MSR1: variants seen among roughly 807,000 people sequenced by gnomAD.
MSR1 encodes the protein macrophage scavenger receptor types I and II.
Under a neutral mutation model 47.2 loss-of-function variants are expected in MSR1, and 53 were observed. That is an observed-to-expected ratio of 1.12 (90% CI 0.90 to 1.41). MSR1 has a LOEUF of 1.41. Among genes scored for constraint, MSR1 ranks in the 40% most tolerant of loss-of-function variants. The pLI, the probability that MSR1 is intolerant of heterozygous loss-of-function variation, is 0.00. For missense variants in MSR1, 786 were observed against 546.9 expected (o/e 1.44, Z -4.36); for synonymous variants, 239 against 185.6 (o/e 1.29, Z -2.34).
At chr8:16,150,779 T>G (rs1048262563) in intron 6 of MSR1, among the ~76,000 whole-genome samples, 5 of 151,990 alleles carry the variant, frequency 3.3e-5, no homozygotes, top group Non-Finnish European at 5.9e-5. Flanking sequence ...CTCTGAAATA[T>G]ATTACTTTAT....
At chr8:16,139,393 C>A in intron 8 of MSR1, 1 of 916,392 alleles carries the variant, frequency 1.1e-6, no homozygotes, top group Non-Finnish European at 1.3e-6. Flanking sequence ...TCACAACAAC[C>A]CTGTGAGGTA....
rs34662759 is a variant in MSR1, at chr8:16,171,228, C to CAA, written c.218-2360_218-2359dup. Among the ~76,000 whole-genome samples the CAA allele has an allele frequency of 6.6e-3, 493 of 75,210 alleles. 4 individuals carry two copies. Among genetic ancestry groups the CAA allele is most frequent in the African/African-American group, 0.015 (316 of 20,970 alleles). The allele number at this position is 75,210 out of a possible 152,430, so 49.3% of individuals were successfully genotyped here. A position where few individuals can be genotyped will look rare whatever the true frequency, so the allele number is the denominator to read the frequency against. On this transcript the variant is annotated intron_variant, in intron 3 of 9. Transcript: ENST00000262101. The stretch of plus-strand genomic sequence containing the variant: ...TGGCTGACAGAGCAAGACTCAGTCT[C>CAA]AAAAAAAAAAAAAAAAAAAAAAGAA...
chr8:16,110,627 T>C (rs560635071), intron 9 of MSR1, among the ~76,000 whole-genome samples: 25 of 152,134 alleles, frequency 1.6e-4, no homozygotes, highest in Non-Finnish European at 3.4e-4. Context: ...TTGGGGTATA[T>C]TTGCACATAA....
rs1040879739 is a variant in MSR1, at chr8:16,111,096, G to A, written c.1223-878C>T. Among the ~76,000 whole-genome samples the A allele has an allele frequency of 1.8e-4, 28 of 152,054 alleles. 1 individual carries two copies. Among genetic ancestry groups the A allele is most frequent in the African/African-American group, 6.5e-4 (27 of 41,418 alleles). On this transcript the variant is annotated intron_variant, in intron 9 of 9. Coordinates refer to ENST00000262101, the MANE Select transcript of MSR1 (RefSeq NM_138715.3). ...CATGTTTCCTATTGTGTTTGTGATTGTATGTGTGAGCATGTTTGTATGTGT... is the reference window on the plus strand; with the variant it reads ...CATGTTTCCTATTGTGTTTGTGATTATATGTGTGAGCATGTTTGTATGTGT...
intron 7 of MSR1, among the ~76,000 whole-genome samples, chr8:16,145,862 T>C (rs556923863): frequency 6.6e-6 from 1 of 152,258 alleles, no homozygotes; most frequent in South Asian, 2.1e-4. Flanking sequence ...ATGATACCTT[T>C]GGTTAAAAAT....
At chr8:16,111,969 T>C (rs1339462649) in intron 9 of MSR1, among the ~76,000 whole-genome samples, 3 of 152,032 alleles carry the variant, frequency 2.0e-5, no homozygotes, top group African/African-American at 7.3e-5. Context: ...AAATCTCCTT[T>C]GGTGCCTACA....
At chr8:16,191,246 C>T (rs1306698492) in intron 1 of MSR1, among the ~76,000 whole-genome samples, 1 of 152,082 alleles carries the variant, frequency 6.6e-6, no homozygotes, top group South Asian at 2.1e-4. Context: ...TATATTGTGC[C>T]TGATGTCACT....
At chr8:16,110,310 AC>A in intron 9 of MSR1, 92 bp from the exon 10 acceptor site, 2 of 1,410,798 alleles carry the variant, frequency 1.4e-6, no homozygotes, top group Non-Finnish European at 2.0e-6. Flanking sequence ...CACTAATTAA[AC>A]AAAAAAGTGT....
At chr8:16,172,915 T>G (rs528547013) in intron 3 of MSR1, among the ~76,000 whole-genome samples, 1 of 152,210 alleles carries the variant, frequency 6.6e-6, no homozygotes. Flanking sequence ...ATATATTCTG[T>G]CTACATTTGT....
intron 8 of MSR1, 168 bp from the exon 9 acceptor site, chr8:16,120,774 G>T: frequency 1.2e-6 from 1 of 865,144 alleles, no homozygotes; most frequent in Non-Finnish European, 1.7e-6. Context: ...CCACCTATTG[G>T]TAAAGAGTTT....
chr8:16,140,202 TA>T lies in MSR1; in HGVS notation c.1033+3355del, dbSNP rs1285326424. 3 of 984,756 alleles carry T rather than the reference TA, an allele frequency of 3.0e-6. No homozygotes were observed. In the African/African-American group the frequency reaches 5.3e-5, roughly 17 times the overall value. 61.0% of individuals were successfully genotyped at this position (984,756 alleles called of 1,614,324 possible). A position where few individuals can be genotyped will look rare whatever the true frequency, so the allele number is the denominator to read the frequency against. The stretch of plus-strand genomic sequence containing the variant: ...TCATGACAGTTCTCCTAGAACCCAA[TA>T]AATTAAATTGTGTTCTAGACTCTAG... On this transcript the variant is annotated intron_variant, in intron 8 of 9. Transcript: ENST00000262101.
intron 5 of MSR1, among the ~76,000 whole-genome samples, chr8:16,155,627 C>A (rs1398060622): frequency 6.6e-6 from 1 of 151,880 alleles, no homozygotes; most frequent in Non-Finnish European, 1.5e-5. Flanking sequence ...TTGGAACTGA[C>A]CATAAACTCA....
intron 8 of MSR1, among the ~76,000 whole-genome samples, chr8:16,125,360 G>T (rs1357393802): frequency 6.6e-6 from 1 of 152,146 alleles, no homozygotes; most frequent in Non-Finnish European, 1.5e-5. Context: ...AATTTACAAA[G>T]AGACTTAGCA....
At chr8:16,169,845 C>G (rs1005541535) in intron 3 of MSR1, among the ~76,000 whole-genome samples, 1 of 151,534 alleles carries the variant, frequency 6.6e-6, no homozygotes, top group Non-Finnish European at 1.5e-5. Context: ...GTAATATAGC[C>G]AATGTTTTGA....
chr8:16,189,735 A>C (rs1356414596), intron 1 of MSR1, among the ~76,000 whole-genome samples: 1 of 115,980 alleles, frequency 8.6e-6, no homozygotes, highest in Non-Finnish European at 1.7e-5. Flanking sequence ...TATTTTATAT[A>C]TATATAAAAT....
In MSR1 at chr8:16,114,758, T is replaced by C. The variant is rs549305750; in HGVS notation, c.1223-4540A>G. ...TTACCTGCAGCTGCAAAACTAATTG[T>C]TCTTAAAACTAAGGATTCTATCTGC... On this transcript the variant is annotated intron_variant, in intron 9 of 9. Coordinates refer to ENST00000262101, the MANE Select transcript of MSR1 (RefSeq NM_138715.3). Among the ~76,000 whole-genome samples the C allele has an allele frequency of 3.9e-5, 6 of 152,296 alleles. No individual in the cohort carries two copies. The East Asian group carries it at 9.6e-4, about 24-fold the overall frequency.
At chr8:16,175,501 C>T (rs34302619) in intron 2 of MSR1, among the ~76,000 whole-genome samples, 7,219 of 152,276 alleles carry the variant, frequency 0.047, 507 homozygotes, top group African/African-American at 0.15. Context: ...AGGCACTTGA[C>T]TGACTTATCC....
At chr8:16,174,727 A>G (rs1393882138) in intron 3 of MSR1, among the ~76,000 whole-genome samples, 1 of 151,896 alleles carries the variant, frequency 6.6e-6, no homozygotes, top group Non-Finnish European at 1.5e-5. Context: ...TGACAGAAAT[A>G]TTTTTTCTGC....
chr8:16,189,278 T>C (rs1264326893), intron 1 of MSR1, among the ~76,000 whole-genome samples: 1 of 137,182 alleles, frequency 7.3e-6, no homozygotes, highest in Non-Finnish European at 1.5e-5. Flanking sequence ...ATATTTCAAA[T>C]ATATAAAATC....
Sources: allele counts gnomAD v4.1 joint callset (sites outside exome capture counted in the v4.1 genomes callset), GRCh38; gene constraint gnomAD v4.1.1; transcripts MANE v1.5; gene names NCBI Gene and HGNC (gene_info 2026-07-23, HGNC 2026-07-21).